Variants in MTA3 observed in about 807,000 individuals in gnomAD.
MTA3 encodes metastasis-associated protein MTA3.
Under a neutral mutation model 83.5 loss-of-function variants are expected in MTA3, and 34 were observed. The observed-to-expected ratio is 0.41, with a 90% confidence interval of 0.31 to 0.54. MTA3 has a LOEUF of 0.54. Among genes scored for constraint, MTA3 ranks in the 20% least tolerant of loss-of-function variants. The pLI is 0.33. For missense variants in MTA3, 761 were observed against 726.4 expected (o/e 1.05, Z -0.55); for synonymous variants, 303 against 252.7 (o/e 1.20, Z -1.89).
chr2:42,732,415 G>A (rs919686566), intron 16 of MTA3, among the ~76,000 whole-genome samples: 4 of 152,176 alleles, frequency 2.6e-5, no homozygotes, highest in African/African-American at 9.7e-5. Context: ...AGCCACAGCT[G>A]GAGCAGCTGA....
chr2:42,748,262 C>T (rs1669599787), intron 16 of MTA3, among the ~76,000 whole-genome samples: 1 of 148,656 alleles, frequency 6.7e-6, no homozygotes, highest in South Asian at 2.1e-4. Flanking sequence ...GACGGGGTTT[C>T]ACCGTGTTGG....
intron 2 of MTA3, among the ~76,000 whole-genome samples, chr2:42,525,198 T>TG: frequency 1.8e-5 from 1 of 55,832 alleles, no homozygotes; most frequent in African/African-American, 6.6e-5. Flanking sequence ...CTTCTTCTTC[T>TG]TTTTTTTTTT....
At chr2:42,642,933 C>T (rs1218048169) in intron 5 of MTA3, among the ~76,000 whole-genome samples, 1 of 152,140 alleles carries the variant, frequency 6.6e-6, no homozygotes, top group Non-Finnish European at 1.5e-5. Context: ...GCATGAGCCA[C>T]TGCACCTGGC....
At chr2:42,671,725 C>A (rs1382068666) in intron 8 of MTA3, among the ~76,000 whole-genome samples, 1 of 152,084 alleles carries the variant, frequency 6.6e-6, no homozygotes, top group Non-Finnish European at 1.5e-5. Flanking sequence ...GGCTCATCTA[C>A]CTATTTTAAT....
chr2:42,732,954 A>T (rs991165822), intron 16 of MTA3, among the ~76,000 whole-genome samples: 1 of 152,174 alleles, frequency 6.6e-6, no homozygotes, highest in Non-Finnish European at 1.5e-5. Flanking sequence ...CCATATCACT[A>T]TCAGCATTTT....
chr2:42,531,100 G>C (rs1675943187), intron 2 of MTA3, among the ~76,000 whole-genome samples: 3 of 152,124 alleles, frequency 2.0e-5, no homozygotes, highest in Non-Finnish European at 4.4e-5. Context: ...AAAGTGTTGG[G>C]ATTACATGTG....
chr2:42,640,259 T>A, intron 5 of MTA3, 23 bp downstream of exon 5: 1 of 1,560,042 alleles, frequency 6.4e-7, no homozygotes, highest in Non-Finnish European at 8.7e-7. Context: ...CATAGTTGTT[T>A]TGTTTTTTTC....
rs1216600680 is a variant in MTA3 at position 42,729,086 on chromosome 2, GTTTTT to G, written c.1759+6074_1759+6078del. Among the ~76,000 whole-genome samples, 11 of 60,128 alleles carry G rather than the reference GTTTTT, an allele frequency of 1.8e-4. No homozygotes were observed. In the South Asian group the frequency reaches 3.1e-3, roughly 17 times the overall value. The allele number at this position is 60,128 out of a possible 152,430, so 39.4% of individuals were successfully genotyped here. A position where few individuals can be genotyped will look rare whatever the true frequency, so the allele number is the denominator to read the frequency against. On this transcript the variant is annotated intron_variant, in intron 16 of 16. Coordinates refer to ENST00000405094, the MANE Select transcript of MTA3 (RefSeq NM_001330442.2). ...TTCTTTTATTAGTTTCACAGTTTGA[GTTTTT>G]TTTTTTTTTTTTTTTTTTTTTTCAC...
At chr2:42,711,611 C>G (rs1215353577) in intron 14 of MTA3, among the ~76,000 whole-genome samples, 2 of 152,168 alleles carry the variant, frequency 1.3e-5, no homozygotes, top group Non-Finnish European at 2.9e-5. Context: ...ATGAACTTTT[C>G]CTAACATCTA....
Position 42,672,792 on chromosome 2 carries a change from A to G in MTA3, c.703-9609A>G, listed in dbSNP as rs549297385. 3.0e-4 allele frequency among the ~76,000 whole-genome samples: 45 copies of G among 151,420 alleles called. 1 individual carries two copies. The South Asian group carries it at 6.7e-3, about 22-fold the overall frequency. On this transcript the variant is annotated intron_variant, in intron 8 of 16. Transcript: ENST00000405094. ...TTGGATGAGGGGTTTTGTTATATCTATGCATTAAAGCAAAAATTGAAAGTA... is the reference window on the plus strand; with the variant it reads ...TTGGATGAGGGGTTTTGTTATATCTGTGCATTAAAGCAAAAATTGAAAGTA...
chr2:42,615,514 C>G (rs1341225178), intron 4 of MTA3, among the ~76,000 whole-genome samples: 8 of 151,488 alleles, frequency 5.3e-5, no homozygotes, highest in Non-Finnish European at 1.5e-5. Flanking sequence ...CGCCAGCGTG[C>G]TCAGCTAATT....
intron 16 of MTA3, among the ~76,000 whole-genome samples, chr2:42,731,677 C>T (rs986842526): frequency 6.6e-6 from 1 of 152,158 alleles, no homozygotes; most frequent in Admixed American, 6.5e-5. Context: ...CCATATCATT[C>T]CACCCCTGGC....
chr2:42,612,723 T>C (rs1264362716), intron 4 of MTA3, among the ~76,000 whole-genome samples: 1 of 152,148 alleles, frequency 6.6e-6, no homozygotes, highest in East Asian at 1.9e-4. Context: ...TAGCTGAGCA[T>C]GGTGGCACAT....
intron 2 of MTA3, chr2:42,532,803 T>C: frequency 2.6e-6 from 1 of 382,346 alleles, no homozygotes; most frequent in Admixed American, 2.8e-5. Context: ...CAGCTCGGGC[T>C]CCTTCCCATT....
At chr2:42,525,847 A>T (rs1305493194) in intron 2 of MTA3, among the ~76,000 whole-genome samples, 1 of 151,554 alleles carries the variant, frequency 6.6e-6, no homozygotes, top group East Asian at 2.0e-4. Context: ...TTCGGTAGAG[A>T]CGGGGTTTCA....
At chr2:42,647,969 T>A (rs1025128563) in intron 6 of MTA3, among the ~76,000 whole-genome samples, 7 of 152,140 alleles carry the variant, frequency 4.6e-5, no homozygotes, top group African/African-American at 1.4e-4. Flanking sequence ...GCCTCCCAAG[T>A]GGCTGGGATT....
At chr2:42,544,655 G>A (rs1485112104) in intron 2 of MTA3, among the ~76,000 whole-genome samples, 1 of 150,856 alleles carries the variant, frequency 6.6e-6, no homozygotes, top group African/African-American at 2.4e-5. Context: ...CCAAAGTGCT[G>A]GGATTACAGT....
chr2:42,664,772 C>T (rs1007113987), intron 8 of MTA3, among the ~76,000 whole-genome samples: 3 of 152,036 alleles, frequency 2.0e-5, no homozygotes, highest in African/African-American at 7.2e-5. Flanking sequence ...ACCTGATAGC[C>T]CTTCCTAAGT....
chr2:42,630,601 C>CA (rs1206261629), intron 4 of MTA3, among the ~76,000 whole-genome samples: 1 of 152,128 alleles, frequency 6.6e-6, no homozygotes, highest in Non-Finnish European at 1.5e-5. Flanking sequence ...AGATCTGCCT[C>CA]ATTCTTTTTT....
Sources: gnomAD v4.1 joint callset for allele counts (sites outside exome capture counted in the v4.1 genomes callset) on GRCh38, gnomAD v4.1.1 for gene constraint, MANE v1.5 for transcripts, NCBI Gene and HGNC (gene_info 2026-07-23, HGNC 2026-07-21) for gene names.